Variants in CDH9 observed in about 807,000 individuals in gnomAD.
CDH9 encodes cadherin 9.
A neutral mutation model predicts 70.9 loss-of-function variants in CDH9; 28 were observed. The observed-to-expected ratio is 0.40, with a 90% confidence interval of 0.29 to 0.54. The LOEUF (loss-of-function observed/expected upper bound fraction) is 0.54, where lower values mean the gene tolerates loss of function less well. Among genes scored for constraint, CDH9 ranks in the 20% least tolerant of loss-of-function variants. The pLI, the probability that CDH9 is intolerant of heterozygous loss-of-function variation, is 0.59. For synonymous variants in CDH9, 409 were observed against 343.1 expected (o/e 1.19, Z -2.12); for missense variants, 874 against 984.4 (o/e 0.89, Z 1.50).
At chr5:26,979,056 T>C (rs1382505625) in intron 2 of CDH9, among the ~76,000 whole-genome samples, 1 of 151,646 alleles carries the variant, frequency 6.6e-6, no homozygotes, top group Non-Finnish European at 1.5e-5. Flanking sequence ...GAACTATAGA[T>C]AAGAATAAAA....
intron 7 of CDH9, 75 bp downstream of exon 7, chr5:26,902,401 A>G: frequency 9.8e-7 from 1 of 1,017,514 alleles, no homozygotes; most frequent in Non-Finnish European, 1.5e-6. Flanking sequence ...TTGTGCAACC[A>G]TTTTTTCACA....
chr5:26,961,306 T>G (rs1267634692), intron 2 of CDH9, among the ~76,000 whole-genome samples: 1 of 152,140 alleles, frequency 6.6e-6, no homozygotes, highest in African/African-American at 2.4e-5. Flanking sequence ...GTATGCAACA[T>G]GTTATTATCA....
intron 2 of CDH9, among the ~76,000 whole-genome samples, chr5:26,917,872 A>G (rs1284971251): frequency 1.3e-5 from 2 of 152,140 alleles, no homozygotes; most frequent in Non-Finnish European, 2.9e-5. Flanking sequence ...TCTTCAAGTC[A>G]CAGCATTTAA....
At chr5:26,928,589 A>G (rs1321754659) in intron 2 of CDH9, among the ~76,000 whole-genome samples, 1 of 152,106 alleles carries the variant, frequency 6.6e-6, no homozygotes, top group Admixed American at 6.6e-5. Context: ...CCTGACTTCA[A>G]ATTATACCAC....
At chr5:26,959,328 T>A (rs999789041) in intron 2 of CDH9, among the ~76,000 whole-genome samples, 1 of 151,882 alleles carries the variant, frequency 6.6e-6, no homozygotes, top group Non-Finnish European at 1.5e-5. Flanking sequence ...GTGAATAGAG[T>A]AGGCATATTT....
At chr5:27,037,765 C>G (rs1205010279) in intron 1 of CDH9, among the ~76,000 whole-genome samples, 1 of 151,940 alleles carries the variant, frequency 6.6e-6, no homozygotes, top group African/African-American at 2.4e-5. Context: ...ATCTAGTCAT[C>G]ATTACATTAA....
chr5:26,989,129 C>T (rs890829874), intron 1 of CDH9, among the ~76,000 whole-genome samples: 2 of 152,028 alleles, frequency 1.3e-5, no homozygotes, highest in Admixed American at 1.3e-4. Flanking sequence ...CTTGATATTG[C>T]AAAATTAGAT....
intron 2 of CDH9, among the ~76,000 whole-genome samples, chr5:26,981,177 A>T (rs1346467972): frequency 1.3e-5 from 2 of 152,064 alleles, no homozygotes; most frequent in East Asian, 3.9e-4. Flanking sequence ...ATCTAGCCTT[A>T]AAAAGGATAA....
chr5:26,896,961 A>C (rs1740763051), intron 7 of CDH9, among the ~76,000 whole-genome samples: 1 of 152,114 alleles, frequency 6.6e-6, no homozygotes, highest in Non-Finnish European at 1.5e-5. Context: ...AATCAAATAG[A>C]CACAATAAAA....
intron 2 of CDH9, among the ~76,000 whole-genome samples, chr5:26,977,542 T>A (rs1742324553): frequency 6.7e-6 from 1 of 149,458 alleles, no homozygotes; most frequent in Non-Finnish European, 1.5e-5. Context: ...AAACAAAGAC[T>A]GGAAAGATTA....
intron 2 of CDH9, among the ~76,000 whole-genome samples, chr5:26,940,253 T>C (rs1158097982): frequency 6.6e-6 from 1 of 151,716 alleles, no homozygotes; most frequent in Non-Finnish European, 1.5e-5. Flanking sequence ...TCCTAGAACA[T>C]GATATAATGT....
chr5:26,997,090 A>G (rs1211006827), intron 1 of CDH9, among the ~76,000 whole-genome samples: 2 of 152,234 alleles, frequency 1.3e-5, no homozygotes, highest in East Asian at 3.9e-4. Context: ...ATAACATCAT[A>G]TATTATAAAA....
chr5:26,916,293 A>G (rs1322406529), intron 2 of CDH9, among the ~76,000 whole-genome samples: 1 of 152,020 alleles, frequency 6.6e-6, no homozygotes, highest in Non-Finnish European at 1.5e-5. Context: ...TACATTTAAA[A>G]TGACTAAGCT....
At chr5:26,900,042 A>G (rs947808327) in intron 7 of CDH9, among the ~76,000 whole-genome samples, 1 of 152,074 alleles carries the variant, frequency 6.6e-6, no homozygotes, top group Non-Finnish European at 1.5e-5. Context: ...GGATAATGTG[A>G]AAATATTTTG....
chr5:27,033,826 A>C (rs1418810464), intron 1 of CDH9, among the ~76,000 whole-genome samples: 2 of 151,538 alleles, frequency 1.3e-5, no homozygotes, highest in Non-Finnish European at 3.0e-5. Context: ...ACTCCCTTAG[A>C]CAACTTTTAA....
rs150876106 is a variant in CDH9, at chr5:26,902,505, G to A, written c.1224C>T (p.Tyr408=). 1.9e-5 allele frequency: 31 copies of A among 1,603,684 alleles called. No homozygotes were observed. Among genetic ancestry groups the A allele is most frequent in the African/African-American group, 9.4e-5 (7 of 74,648 alleles). The change falls in exon 7 of 12, where the codon TAC becomes TAT. Residue 408 remains tyrosine (Y), a synonymous_variant. Transcript: ENST00000231021. Reference sequence around the variant, plus strand: ...TTAAATTGTTCCTGGCATCTGGATCGTATGCTGTAACCTGTCCAATGATAC... The same window carrying A: ...TTAAATTGTTCCTGGCATCTGGATCATATGCTGTAACCTGTCCAATGATAC... ...EGSIIGQVTA[Y]DPDARNNLIK...
chr5:26,938,184 T>C (rs1196897710), intron 2 of CDH9, among the ~76,000 whole-genome samples: 1 of 149,260 alleles, frequency 6.7e-6, no homozygotes, highest in East Asian at 2.0e-4. Context: ...CAAACAAAAA[T>C]GCATAGTTAC....
intron 2 of CDH9, among the ~76,000 whole-genome samples, chr5:26,947,895 G>A (rs1741780771): frequency 6.6e-6 from 1 of 152,134 alleles, no homozygotes; most frequent in South Asian, 2.1e-4. Flanking sequence ...TCACTCATGG[G>A]ATCTCCAAGA....
chr5:26,980,177 G>A (rs2112083128), intron 2 of CDH9, among the ~76,000 whole-genome samples: 1 of 151,890 alleles, frequency 6.6e-6, no homozygotes, highest in Admixed American at 6.6e-5. Context: ...TTTGTTATTG[G>A]AAAATATTGA....
Sources: allele counts gnomAD v4.1 joint callset (sites outside exome capture counted in the v4.1 genomes callset), GRCh38; gene constraint gnomAD v4.1.1; transcripts MANE v1.5; gene names NCBI Gene and HGNC (gene_info 2026-07-23, HGNC 2026-07-21).